Variants in PBX3 observed in about 807,000 individuals in gnomAD.
PBX3 encodes PBX homeobox 3, also known as pre-B-cell leukemia transcription factor 3.
PBX3 carries 14 observed loss-of-function variants against 48.5 expected under a neutral mutation model. That is an observed-to-expected ratio of 0.29 (90% CI 0.19 to 0.45). PBX3 has a LOEUF of 0.45. PBX3 is among the 20% of genes least tolerant of loss of function. The pLI is 1.00. For synonymous variants in PBX3, 210 were observed against 200.3 expected (o/e 1.05, Z -0.41); for missense variants, 386 against 546.7 (o/e 0.71, Z 2.93).
chr9:125,840,868 C>G (rs1173195819), intron 2 of PBX3, among the ~76,000 whole-genome samples: 1 of 152,012 alleles, frequency 6.6e-6, no homozygotes, highest in African/African-American at 2.4e-5. Flanking sequence ...GGTTTGAACC[C>G]AGAATATTCC....
chr9:125,846,733 T>TA (rs374497355), intron 2 of PBX3, among the ~76,000 whole-genome samples: 1 of 152,046 alleles, frequency 6.6e-6, no homozygotes, highest in Non-Finnish European at 1.5e-5. Flanking sequence ...AAGAAATCTT[T>TA]AAAAAACCAT....
At chr9:125,873,427 A>G (rs1369392256) in intron 2 of PBX3, among the ~76,000 whole-genome samples, 1 of 152,196 alleles carries the variant, frequency 6.6e-6, no homozygotes, top group Non-Finnish European at 1.5e-5. Context: ...ATGTAGGAAC[A>G]CTGAAAAAAA....
At chr9:125,959,219 A>C (rs1348034548) in intron 5 of PBX3, among the ~76,000 whole-genome samples, 1 of 152,272 alleles carries the variant, frequency 6.6e-6, no homozygotes, top group Non-Finnish European at 1.5e-5. Context: ...GAAGAAAAGA[A>C]GGGATACATA....
intron 2 of PBX3, among the ~76,000 whole-genome samples, chr9:125,862,496 C>G (rs2048256666): frequency 2.0e-5 from 3 of 152,160 alleles, no homozygotes; most frequent in Admixed American, 2.0e-4. Flanking sequence ...AAGCAATTCT[C>G]CTGCCTCAGC....
intron 2 of PBX3, among the ~76,000 whole-genome samples, chr9:125,885,091 G>A (rs1213184551): frequency 6.6e-6 from 1 of 152,082 alleles, no homozygotes; most frequent in African/African-American, 2.4e-5. Context: ...ATCTGTTACA[G>A]TCATACAGCT....
At chr9:125,869,170 C>A (rs1840057795) in intron 2 of PBX3, among the ~76,000 whole-genome samples, 1 of 152,032 alleles carries the variant, frequency 6.6e-6, no homozygotes, top group Non-Finnish European at 1.5e-5. Context: ...AAAGAAAATT[C>A]TTAGAAATGG....
intron 5 of PBX3, among the ~76,000 whole-genome samples, chr9:125,956,811 C>T (rs1312713818): frequency 6.6e-6 from 1 of 152,186 alleles, no homozygotes; most frequent in Non-Finnish European, 1.5e-5. Context: ...CAGTTTCCTG[C>T]CTGCCTTTCT....
intron 8 of PBX3, among the ~76,000 whole-genome samples, chr9:125,965,481 G>A (rs556609182): frequency 2.6e-5 from 4 of 152,248 alleles, no homozygotes; most frequent in East Asian, 3.9e-4. Context: ...CCTGGGTTTC[G>A]CTGAGGCATT....
chr9:125,928,567 G>A (rs1439459545), intron 3 of PBX3, among the ~76,000 whole-genome samples: 1 of 151,596 alleles, frequency 6.6e-6, no homozygotes, highest in Admixed American at 6.6e-5. Context: ...CTGGGTTCAC[G>A]CCATTCTCCT....
intron 2 of PBX3, among the ~76,000 whole-genome samples, chr9:125,762,174 A>G (rs186895688): frequency 6.6e-6 from 1 of 151,984 alleles, no homozygotes; most frequent in Non-Finnish European, 1.5e-5. Flanking sequence ...CCTTCTTGTC[A>G]TTTTTTTTCT....
chr9:125,819,318 G>T (rs1181133323), intron 2 of PBX3, among the ~76,000 whole-genome samples: 2 of 151,868 alleles, frequency 1.3e-5, no homozygotes, highest in Non-Finnish European at 2.9e-5. Context: ...CACCTGAGGT[G>T]GGTAGTGAGA....
chr9:125,776,845 G>C (rs1050818902), intron 2 of PBX3, among the ~76,000 whole-genome samples: 1 of 151,988 alleles, frequency 6.6e-6, no homozygotes, highest in Non-Finnish European at 1.5e-5. Context: ...TGCCTGGTCT[G>C]CATGATATTA....
In PBX3 at chr9:125,859,198, A is replaced by C. The variant is rs1489644683; in HGVS notation, c.275-56488A>C. 3.3e-5 allele frequency among the ~76,000 whole-genome samples: 5 copies of C among 152,226 alleles called. No individual in the cohort carries two copies. The East Asian group carries it at 9.6e-4, about 29-fold the overall frequency. On this transcript the variant is annotated intron_variant, in intron 2 of 8. Coordinates refer to ENST00000373489, the MANE Select transcript of PBX3 (RefSeq NM_006195.6). ...CTTTTCATCTTTCAGGTCTCAGCTT[A>C]AATGTCACCTCTTTGAAAGGACTTT...
intron 2 of PBX3, among the ~76,000 whole-genome samples, chr9:125,776,265 C>T (rs1161323312): frequency 3.3e-5 from 5 of 151,876 alleles, no homozygotes; most frequent in African/African-American, 4.8e-5. Flanking sequence ...AGGAAGTTCA[C>T]TTTTATTTCT....
intron 2 of PBX3, among the ~76,000 whole-genome samples, chr9:125,800,124 G>T (rs1837896002): frequency 1.3e-5 from 2 of 152,148 alleles, no homozygotes; most frequent in South Asian, 4.1e-4. Flanking sequence ...TTTGATGTTT[G>T]GTTTTTGCTT....
At chr9:125,755,391 G>A (rs1836486501) in intron 2 of PBX3, among the ~76,000 whole-genome samples, 1 of 152,112 alleles carries the variant, frequency 6.6e-6, no homozygotes, top group African/African-American at 2.4e-5. Context: ...TTGGTGAACA[G>A]TAGTAAAACA....
chr9:125,843,674 T>C, intron 2 of PBX3: 1 of 342,550 alleles, frequency 2.9e-6, no homozygotes, highest in Non-Finnish European at 6.1e-6. Flanking sequence ...AGAGAACTTT[T>C]AAAAATAAGT....
At chr9:125,954,113 A>G (rs2111359) in intron 5 of PBX3, among the ~76,000 whole-genome samples, 95,909 of 152,098 alleles carry the variant, frequency 0.63, 31,778 homozygotes, top group East Asian at 0.77. Flanking sequence ...ATTGCCCCGA[A>G]GTATGAGACC....
intron 5 of PBX3, among the ~76,000 whole-genome samples, chr9:125,937,461 G>T (rs751714549): frequency 2.6e-5 from 4 of 152,022 alleles, no homozygotes; most frequent in Non-Finnish European, 4.4e-5. Context: ...TGAGAAAAAG[G>T]TACAGAGGTA....
Sources: allele counts gnomAD v4.1 joint callset (sites outside exome capture counted in the v4.1 genomes callset), GRCh38; gene constraint gnomAD v4.1.1; transcripts MANE v1.5; gene names NCBI Gene and HGNC (gene_info 2026-07-23, HGNC 2026-07-21).